The following SORCS3 variants were observed in gnomAD, a reference collection of about 807,000 sequenced individuals.
SORCS3 encodes the protein sortilin related VPS10 domain containing receptor 3, also known as VPS10 domain-containing receptor SorCS3.
A neutral mutation model predicts 146.3 loss-of-function variants in SORCS3; 57 were observed. The observed-to-expected ratio is 0.39, with a 90% CI of 0.31 to 0.49. The LOEUF (loss-of-function observed/expected upper bound fraction) is 0.49, where lower values mean the gene tolerates loss of function less well. Among genes scored for constraint, SORCS3 ranks in the 20% least tolerant of loss-of-function variants. The pLI, the probability that SORCS3 is intolerant of heterozygous loss-of-function variation, is 0.92. For missense variants in SORCS3, 1,341 were observed against 1,575.5 expected (o/e 0.85, Z 2.52); for synonymous variants, 653 against 618.5 (o/e 1.06, Z -0.83).
chr10:104,891,882 C>T (rs2133583597), intron 2 of SORCS3, among the ~76,000 whole-genome samples: 1 of 152,212 alleles, frequency 6.6e-6, no homozygotes, highest in South Asian at 2.1e-4. Context: ...TGACTGGCAC[C>T]TCCGAAGGTA....
At chr10:104,932,549 G>T (rs1375598273) in intron 3 of SORCS3, among the ~76,000 whole-genome samples, 1 of 152,190 alleles carries the variant, frequency 6.6e-6, no homozygotes, top group African/African-American at 2.4e-5. Flanking sequence ...GCTTCCAGGT[G>T]TCCACAGGAG....
chr10:105,202,599 C>T (rs12260115), intron 16 of SORCS3, among the ~76,000 whole-genome samples: 38,680 of 151,988 alleles, frequency 0.25, 4,980 homozygotes, highest in South Asian at 0.35. Flanking sequence ...TTGATTGTTC[C>T]ACTATCACCT....
intron 1 of SORCS3, among the ~76,000 whole-genome samples, chr10:104,786,549 A>AAATAATAATAATAGTAAT (rs2017438525): frequency 7.1e-6 from 1 of 140,516 alleles, no homozygotes; most frequent in Admixed American, 7.2e-5. Flanking sequence ...ACTCCATCTA[A>AAATAATAATAATAGTAAT]AATAATAATA....
chr10:104,888,014 C>A (rs1224904786), intron 2 of SORCS3, among the ~76,000 whole-genome samples: 2 of 139,168 alleles, frequency 1.4e-5, no homozygotes, highest in Non-Finnish European at 3.0e-5. Flanking sequence ...AATGAGAGTG[C>A]TTCTAAGAGT....
chr10:105,168,189 G>A (rs2056330171), intron 13 of SORCS3, among the ~76,000 whole-genome samples: 1 of 152,094 alleles, frequency 6.6e-6, no homozygotes, highest in Non-Finnish European at 1.5e-5. Context: ...AAACGAATGA[G>A]CTACTGAATG....
chr10:104,703,082 C>G (rs1354826494), intron 1 of SORCS3, among the ~76,000 whole-genome samples: 1 of 152,182 alleles, frequency 6.6e-6, no homozygotes, highest in Non-Finnish European at 1.5e-5. Flanking sequence ...TTAGATTTTC[C>G]TGACCATTTT....
intron 4 of SORCS3, among the ~76,000 whole-genome samples, chr10:105,007,935 CTG>C (rs1235548871): frequency 2.0e-5 from 3 of 152,058 alleles, no homozygotes; most frequent in Admixed American, 2.0e-4. Context: ...GGCTGTATAA[CTG>C]GACTTATCAC....
At chr10:104,862,587 G>C (rs1350209530) in intron 2 of SORCS3, among the ~76,000 whole-genome samples, 1 of 151,078 alleles carries the variant, frequency 6.6e-6, no homozygotes, top group African/African-American at 2.4e-5. Flanking sequence ...CATATATTTT[G>C]TAGTTAATCT....
intron 8 of SORCS3, among the ~76,000 whole-genome samples, chr10:105,140,787 A>AG (rs1271527003): frequency 6.6e-6 from 1 of 152,168 alleles, no homozygotes; most frequent in African/African-American, 2.4e-5. Context: ...AAGTAGCTTC[A>AG]GGGGCAATGG....
intron 5 of SORCS3, among the ~76,000 whole-genome samples, chr10:105,086,319 C>A (rs1381864482): frequency 6.6e-6 from 1 of 152,152 alleles, no homozygotes; most frequent in Non-Finnish European, 1.5e-5. Flanking sequence ...AGACCCAAAC[C>A]ACAGGTGTCC....
At chr10:104,795,964 C>T (rs1276577219) in intron 1 of SORCS3, among the ~76,000 whole-genome samples, 1 of 152,170 alleles carries the variant, frequency 6.6e-6, no homozygotes, top group Non-Finnish European at 1.5e-5. Flanking sequence ...GAGTCATATG[C>T]CCCCTAGCAG....
chr10:105,046,995 T>C (rs985334510), intron 5 of SORCS3, among the ~76,000 whole-genome samples: 1 of 152,110 alleles, frequency 6.6e-6, no homozygotes, highest in African/African-American at 2.4e-5. Context: ...GGCTCTGCTA[T>C]GGCAGAGTTG....
At chr10:104,956,882 A>C (rs2019498403) in intron 3 of SORCS3, among the ~76,000 whole-genome samples, 1 of 152,166 alleles carries the variant, frequency 6.6e-6, no homozygotes, top group Non-Finnish European at 1.5e-5. Flanking sequence ...TGTTACCCCC[A>C]CAGACACCAA....
intron 1 of SORCS3, among the ~76,000 whole-genome samples, chr10:104,818,270 C>T (rs1564690764): frequency 6.6e-6 from 1 of 152,056 alleles, no homozygotes; most frequent in Non-Finnish European, 1.5e-5. Context: ...TGTGTCTGAC[C>T]CAAGTTAAGC....
In SORCS3 at chr10:105,139,492, G is replaced by A; in HGVS notation, c.1302+6G>A. The A allele has an allele frequency of 1.2e-6, 2 of 1,610,576 alleles. No homozygotes were observed. Among genetic ancestry groups the A allele is most frequent in the South Asian group, 1.1e-5 (1 of 90,942 alleles). ...CTAAGTACTCGTTGCCAAAGGTACT[G>A]CATGCACCACTAGCGGTCCTGGGTC... On this transcript the variant is annotated splice_donor_region_variant and intron_variant, in intron 8 of 26. Transcript: ENST00000369701.
At chr10:104,969,489 T>TA (rs953324035) in intron 3 of SORCS3, among the ~76,000 whole-genome samples, 5 of 152,062 alleles carry the variant, frequency 3.3e-5, no homozygotes, top group Non-Finnish European at 5.9e-5. Context: ...GAGATTTTAA[T>TA]AAAAAATCAG....
chr10:104,665,934 C>T (rs2015770375), intron 1 of SORCS3: 1 of 152,092 alleles, frequency 6.6e-6, no homozygotes, highest in Admixed American at 6.5e-5. Context: ...ATACATTGGG[C>T]TTTGATGGAT....
In SORCS3 at chr10:104,940,222, ATATATATATATATATATTTT is replaced by A. The variant is rs1417303655; in HGVS notation, c.795+24292_795+24311del. On this transcript the variant is annotated intron_variant, in intron 3 of 26. Transcript: ENST00000369701. ...TTTTCTTTTATATATATATATATATATATATATATATATATATTTTTTTTTTTTTTTTTATTATACTTTAA... is the reference window on the plus strand; with the variant it reads ...TTTTCTTTTATATATATATATATATATTTTTTTTTTTTTATTATACTTTAA... Among the ~76,000 whole-genome samples the A allele has an allele frequency of 5.8e-3, 99 of 17,004 alleles. 4 individuals are homozygous for A. Among genetic ancestry groups the A allele is most frequent in the East Asian group, 0.047 (27 of 572 alleles). 11.2% of individuals were successfully genotyped at this position (17,004 alleles called of 152,430 possible). A position where few individuals can be genotyped will look rare whatever the true frequency, so the allele number is the denominator to read the frequency against.
chr10:105,244,418 G>A (rs376830523), intron 20 of SORCS3, among the ~76,000 whole-genome samples: 4 of 151,962 alleles, frequency 2.6e-5, no homozygotes, highest in East Asian at 3.9e-4. Context: ...ACCAAACTTA[G>A]ATTGAAAATA....
Sources: gnomAD v4.1 joint callset for allele counts (sites outside exome capture counted in the v4.1 genomes callset) on GRCh38, gnomAD v4.1.1 for gene constraint, MANE v1.5 for transcripts, NCBI Gene and HGNC (gene_info 2026-07-23, HGNC 2026-07-21) for gene names.